The following ENPP1 variants were observed in gnomAD, a reference collection of about 807,000 sequenced individuals.
ENPP1 encodes the protein ectonucleotide pyrophosphatase/phosphodiesterase 1, also known as ectonucleotide pyrophosphatase/phosphodiesterase family member 1.
Under a neutral mutation model 122.8 loss-of-function variants are expected in ENPP1, and 73 were observed. The ratio of observed to expected loss-of-function variants is 0.59; its 90% CI spans 0.49 to 0.72. ENPP1 has a LOEUF of 0.72. ENPP1 is among the 30% of genes least tolerant of loss of function. The pLI is 0.00. For synonymous variants in ENPP1, 367 were observed against 391.6 expected, an observed-to-expected ratio of 0.94 and a Z score of 0.74; for missense variants, 978 against 1,128.1, an observed-to-expected ratio of 0.87 and a Z score of 1.91.
At chr6:131,824,502 T>G (rs577858943) in intron 1 of ENPP1, among the ~76,000 whole-genome samples, 1 of 152,202 alleles carries the variant, frequency 6.6e-6, no homozygotes, top group Admixed American at 6.5e-5. Context: ...TCATCCAGGC[T>G]GTAGTGCAGT....
At chr6:131,840,497 A>T (rs1331708613) in intron 1 of ENPP1, among the ~76,000 whole-genome samples, 2 of 152,216 alleles carry the variant, frequency 1.3e-5, no homozygotes, top group Non-Finnish European at 2.9e-5. Context: ...CAGTGATTGG[A>T]TACTTCTAGT....
In ENPP1 at chr6:131,851,255, T is replaced by G. The variant is rs1195225190; in HGVS notation, c.544T>G (p.Ser182Ala). 5 of 1,614,144 alleles carry G rather than the reference T, an allele frequency of 3.1e-6. No individual in the cohort carries two copies. The highest frequency in any genetic ancestry group is 4.2e-6 in the Non-Finnish European group (5 of 1,179,988). The change falls in exon 4 of 25, where the codon TCT (serine) becomes GCT (alanine). Residue 182 changes from serine (S) to alanine (A), a missense_variant. Transcript: ENST00000647893. ...DKGDCCINYS[S>A]VCQGEKSWVE... ...GGGCGACTGCTGCATCAACTACAGT[T>G]CTGTGTGTCAAGGTCAGGTGCTCGT...
intron 4 of ENPP1, among the ~76,000 whole-genome samples, chr6:131,851,906 G>T (rs1370380589): frequency 2.0e-5 from 3 of 152,134 alleles, no homozygotes. Context: ...TTTGAAAATG[G>T]AAAAGATACC....
At chr6:131,841,051 A>G (rs1045786776) in intron 1 of ENPP1, among the ~76,000 whole-genome samples, 1 of 152,220 alleles carries the variant, frequency 6.6e-6, no homozygotes, top group Non-Finnish European at 1.5e-5. Context: ...AGATAAATCT[A>G]GCGTAACTAA....
At chr6:131,811,470 A>C (rs1195759913) in intron 1 of ENPP1, among the ~76,000 whole-genome samples, 1 of 150,566 alleles carries the variant, frequency 6.6e-6, no homozygotes, top group Admixed American at 6.6e-5. Context: ...AAGTTTGAGG[A>C]CTGCAACCCA....
Position 131,861,510 on chromosome 6 carries a change from A to T in ENPP1, c.916-85A>T, listed in dbSNP as rs1585823982. 8.3e-6 allele frequency: 7 copies of T among 838,932 alleles called. No homozygotes were observed. The East Asian group carries it at 1.7e-4, about 21-fold the overall frequency. 52.0% of individuals were successfully genotyped at this position (838,932 alleles called of 1,614,324 possible). ...AAAAGCATTCTAGCACTAGAGAGGA[A>T]TGCATTGGTGTGGTATGAATACATA... On this transcript the variant is annotated intron_variant, in intron 8 of 24. Coordinates refer to ENST00000647893, the MANE Select transcript of ENPP1 (RefSeq NM_006208.3).
intron 18 of ENPP1, 86 bp from the exon 19 acceptor site, chr6:131,878,456 G>T: frequency 1.2e-6 from 1 of 820,304 alleles, no homozygotes; most frequent in Non-Finnish European, 2.1e-6. Flanking sequence ...GTTCTATGTT[G>T]GAATAATCAA....
At chr6:131,825,213 A>C (rs1186158672) in intron 1 of ENPP1, among the ~76,000 whole-genome samples, 2 of 152,208 alleles carry the variant, frequency 1.3e-5, no homozygotes, top group Non-Finnish European at 2.9e-5. Context: ...GCACAAACAA[A>C]TCAACGGGAC....
At chr6:131,867,700 T>C (rs1255639444) in intron 11 of ENPP1, among the ~76,000 whole-genome samples, 3 of 152,192 alleles carry the variant, frequency 2.0e-5, no homozygotes, top group African/African-American at 7.2e-5. Flanking sequence ...ATCTAAGTAG[T>C]AGCATTCTGA....
At chr6:131,836,728 T>A (rs969380673) in intron 1 of ENPP1, among the ~76,000 whole-genome samples, 1 of 152,202 alleles carries the variant, frequency 6.6e-6, no homozygotes, top group African/African-American at 2.4e-5. Flanking sequence ...TCTTGGAAAG[T>A]CAAACAAAAT....
intron 1 of ENPP1, among the ~76,000 whole-genome samples, chr6:131,815,619 T>A (rs963256966): frequency 6.6e-6 from 1 of 152,172 alleles, no homozygotes; most frequent in Non-Finnish European, 1.5e-5. Flanking sequence ...GTGGTCACAT[T>A]GAGAGACCTT....
intron 20 of ENPP1, 55 bp downstream of exon 20, chr6:131,880,089 A>T (rs1382158169): frequency 4.7e-5 from 71 of 1,499,978 alleles, no homozygotes; most frequent in Middle Eastern, 1.7e-4. Context: ...GATTAAGCAG[A>T]ACATTAAATG....
chr6:131,847,761 CT>C lies in ENPP1; in HGVS notation c.241-11del, dbSNP rs1781827977. 6.4e-7 allele frequency: 1 copy of C among 1,574,718 alleles called. No individual in the cohort carries two copies. Among genetic ancestry groups the C allele is most frequent in the African/African-American group, 1.3e-5 (1 of 74,232 alleles). On this transcript the variant is annotated splice_polypyrimidine_tract_variant and intron_variant, in intron 1 of 24. Transcript: ENST00000647893. ...TAAAAAAGAAACCATGTAATTTTCT[CT>C]TTTCTCCCTACAGGTATTGTCAGTA...
chr6:131,859,602 G>GGGGACTGAACAATGT (rs56314915), intron 7 of ENPP1, among the ~76,000 whole-genome samples: 2 of 151,332 alleles, frequency 1.3e-5, no homozygotes, highest in Non-Finnish European at 2.9e-5. Context: ...CCGGACCTAG[G>GGGGACTGAACAATGT]GGCGGATGGG....
intron 18 of ENPP1, chr6:131,877,412 C>G: frequency 1.9e-6 from 1 of 517,222 alleles, no homozygotes; most frequent in Admixed American, 3.1e-5. Flanking sequence ...GTGGTGAAGT[C>G]TAGTTAGTTG....
intron 13 of ENPP1, among the ~76,000 whole-genome samples, 184 bp downstream of exon 13, chr6:131,869,673 A>G (rs1782136099): frequency 6.6e-6 from 1 of 151,752 alleles, no homozygotes; most frequent in Admixed American, 6.6e-5. Flanking sequence ...TACATATACG[A>G]TACTATACTA....
At chr6:131,887,511 G>A (rs1282840397) in intron 24 of ENPP1, among the ~76,000 whole-genome samples, 3 of 146,542 alleles carry the variant, frequency 2.0e-5, no homozygotes, top group South Asian at 4.3e-4. Flanking sequence ...TCCTGCCTCA[G>A]CCTCCCGAGT....
chr6:131,815,361 G>A (rs550013303), intron 1 of ENPP1, among the ~76,000 whole-genome samples: 52 of 152,250 alleles, frequency 3.4e-4, no homozygotes, highest in African/African-American at 1.1e-3. Context: ...GTGATTCTTC[G>A]CTCTTCTTCA....
intron 11 of ENPP1, among the ~76,000 whole-genome samples, chr6:131,867,293 G>A (rs893776686): frequency 6.6e-6 from 1 of 152,128 alleles, no homozygotes; most frequent in African/African-American, 2.4e-5. Flanking sequence ...ACACATTACA[G>A]AAAATACACA....
Sources: allele counts gnomAD v4.1 joint callset (sites outside exome capture counted in the v4.1 genomes callset), GRCh38; gene constraint gnomAD v4.1.1; transcripts MANE v1.5; gene names NCBI Gene and HGNC (gene_info 2026-07-23, HGNC 2026-07-21).